LRTM1: variants seen among roughly 807,000 people sequenced by gnomAD.
The protein encoded by LRTM1 is leucine-rich repeat and transmembrane domain-containing protein 1.
In LRTM1, 38 loss-of-function variants were observed where a neutral mutation model predicts 32.4. The observed-to-expected ratio is 1.17, with a 90% CI of 0.91 to 1.54. LRTM1 has a LOEUF of 1.54. LRTM1 is among the 40% of genes most tolerant of loss of function. The probability of loss-of-function intolerance (pLI) is 0.00; values close to 1 mark genes in which losing one functional copy is unlikely to be tolerated. For missense variants in LRTM1, 466 were observed against 415.4 expected, an observed-to-expected ratio of 1.12 and a Z score of -1.06; for synonymous variants, 186 against 169.9, an observed-to-expected ratio of 1.09 and a Z score of -0.74.
At chr3:54,936,177 A>G (rs1218688921) in intron 1 of LRTM1, among the ~76,000 whole-genome samples, 1 of 151,916 alleles carries the variant, frequency 6.6e-6, no homozygotes, top group Non-Finnish European at 1.5e-5. Flanking sequence ...AAAAAAAAAA[A>G]TCTTTTGCAC....
upstream of LRTM1, among the ~76,000 whole-genome samples, chr3:54,931,408 G>C (rs149551232): frequency 5.3e-5 from 8 of 152,334 alleles, no homozygotes; most frequent in South Asian, 1.0e-3. Flanking sequence ...AGAGAACAAA[G>C]GGAGGGTGTG....
chr3:54,932,352 C>G (rs79623557), upstream of LRTM1, among the ~76,000 whole-genome samples: 1 of 148,028 alleles, frequency 6.8e-6, no homozygotes, highest in Admixed American at 6.6e-5. Context: ...CCTATAAATA[C>G]GCGTTGGTTT....
intron 1 of LRTM1, among the ~76,000 whole-genome samples, chr3:54,939,148 G>A (rs1701397706): frequency 6.6e-6 from 1 of 152,160 alleles, no homozygotes; most frequent in Non-Finnish European, 1.5e-5. Flanking sequence ...AACTCTCAAG[G>A]CTGAATCCAA....
chr3:54,957,233 C>T (rs1278094645), intron 1 of LRTM1, among the ~76,000 whole-genome samples: 1 of 151,516 alleles, frequency 6.6e-6, no homozygotes, highest in Non-Finnish European at 1.5e-5. Context: ...AATCATAGCT[C>T]AATGCAGCCT....
At chr3:54,965,796 A>T (rs747874033) in intron 1 of LRTM1, among the ~76,000 whole-genome samples, 3 of 152,170 alleles carry the variant, frequency 2.0e-5, no homozygotes, top group Non-Finnish European at 4.4e-5. Flanking sequence ...TAGCAGAACA[A>T]TTGCAGCCAG....
At chr3:54,926,812 A>G (rs1701035767) in intron 1 of LRTM1, among the ~76,000 whole-genome samples, 1 of 152,164 alleles carries the variant, frequency 6.6e-6, no homozygotes, top group African/African-American at 2.4e-5. Flanking sequence ...GTAAAACAGC[A>G]TCCTTGTTCA....
chr3:54,966,139 G>C (rs1702144355), intron 1 of LRTM1, among the ~76,000 whole-genome samples: 1 of 151,998 alleles, frequency 6.6e-6, no homozygotes, highest in African/African-American at 2.4e-5. Context: ...CGGGGGTGGG[G>C]GTCTCAGAAA....
At chr3:54,963,818 G>T (rs1458300115) in intron 1 of LRTM1, among the ~76,000 whole-genome samples, 1 of 152,126 alleles carries the variant, frequency 6.6e-6, no homozygotes, top group Non-Finnish European at 1.5e-5. Flanking sequence ...GCACATACTG[G>T]GTTTCTGATA....
chr3:54,937,657 A>G (rs1701364007), intron 1 of LRTM1, among the ~76,000 whole-genome samples: 1 of 152,208 alleles, frequency 6.6e-6, no homozygotes, highest in African/African-American at 2.4e-5. Flanking sequence ...AGGTGAGGGC[A>G]GGCATCCCAA....
At chr3:54,956,020 G>A (rs182611648) in intron 1 of LRTM1, among the ~76,000 whole-genome samples, 31 of 152,306 alleles carry the variant, frequency 2.0e-4, no homozygotes, top group Admixed American at 7.2e-4. Flanking sequence ...AAAAAAGTGC[G>A]TGATTACTCC....
At chr3:54,935,885 G>C (rs1701316820) in intron 1 of LRTM1, among the ~76,000 whole-genome samples, 1 of 152,172 alleles carries the variant, frequency 6.6e-6, no homozygotes, top group Admixed American at 6.5e-5. Flanking sequence ...TTAGTCTTAA[G>C]CAGGACTTAG....
intron 1 of LRTM1, among the ~76,000 whole-genome samples, chr3:54,958,285 C>T (rs1178085174): frequency 1.3e-5 from 2 of 152,224 alleles, no homozygotes; most frequent in Non-Finnish European, 2.9e-5. Context: ...CCCAGCTACT[C>T]AGGAGGCTGA....
chr3:54,927,622 A>T (rs1701061696), intron 1 of LRTM1, among the ~76,000 whole-genome samples: 1 of 152,180 alleles, frequency 6.6e-6, no homozygotes, highest in African/African-American at 2.4e-5. Context: ...CCCCCAAAGG[A>T]ATAATATACG....
chr3:54,919,957 G>A (rs536964300), intron 2 of LRTM1, among the ~76,000 whole-genome samples: 67 of 152,230 alleles, frequency 4.4e-4, no homozygotes, highest in African/African-American at 1.5e-3. Flanking sequence ...CAGAGGAGTG[G>A]GCAGGATGGC....
At chr3:54,949,726 G>C (rs889907633) in intron 1 of LRTM1, among the ~76,000 whole-genome samples, 2 of 152,172 alleles carry the variant, frequency 1.3e-5, no homozygotes, top group Admixed American at 6.5e-5. Context: ...AACTGGTTTT[G>C]CAGGGGCACA....
chr3:54,936,459 T>A (rs2106970306), intron 1 of LRTM1, among the ~76,000 whole-genome samples: 2 of 152,308 alleles, frequency 1.3e-5, no homozygotes, highest in Middle Eastern at 6.8e-3. Context: ...GAAAGTTGAT[T>A]GTTAGTATCA....
chr3:54,957,161 A>C (rs1438210675), intron 1 of LRTM1, among the ~76,000 whole-genome samples: 2 of 67,290 alleles, frequency 3.0e-5, no homozygotes, highest in African/African-American at 5.3e-5. Flanking sequence ...TTATAAAATA[A>C]TTTTCTTTTT....
intron 1 of LRTM1, among the ~76,000 whole-genome samples, chr3:54,945,358 C>G (rs112102467): frequency 6.6e-6 from 1 of 152,184 alleles, no homozygotes; most frequent in Admixed American, 6.5e-5. Context: ...GTATCTTGGC[C>G]TCGAAAGTGG....
At chr3:54,919,829 TCA>T (rs1700783556) in intron 2 of LRTM1, among the ~76,000 whole-genome samples, 1 of 152,222 alleles carries the variant, frequency 6.6e-6, no homozygotes, top group African/African-American at 2.4e-5. Context: ...TTGTCCAGAC[TCA>T]CAGAGGTCAC....
Sources: gnomAD v4.1 joint callset for allele counts (sites outside exome capture counted in the v4.1 genomes callset) on GRCh38, gnomAD v4.1.1 for gene constraint, MANE v1.5 for transcripts, NCBI Gene and HGNC (gene_info 2026-07-23, HGNC 2026-07-21) for gene names.